Variants in TLCD4 observed in about 807,000 individuals in gnomAD.
TLCD4 encodes TLC domain containing 4, also known as TLC domain-containing protein 4.
TLCD4 carries 7 observed loss-of-function variants against 24.2 expected under a neutral mutation model. The ratio of observed to expected loss-of-function variants is 0.29; its 90% CI spans 0.16 to 0.54. TLCD4 has a LOEUF of 0.54. Ranked by LOEUF, TLCD4 falls within the 20% of genes least tolerant of loss-of-function variation. The pLI is 0.95. For synonymous variants in TLCD4, 103 were observed against 106.4 expected (o/e 0.97, Z 0.20); for missense variants, 259 against 313.9 (o/e 0.82, Z 1.32).
chr1:95,170,252 C>T (rs753029223), intron 5 of TLCD4, among the ~76,000 whole-genome samples: 3 of 151,344 alleles, frequency 2.0e-5, no homozygotes, highest in Non-Finnish European at 4.4e-5. Flanking sequence ...AAAAGTTCAC[C>T]TATAATTTTT....
intron 5 of TLCD4, among the ~76,000 whole-genome samples, chr1:95,160,186 C>T (rs1677747386): frequency 6.6e-6 from 1 of 152,132 alleles, no homozygotes; most frequent in African/African-American, 2.4e-5. Context: ...TTTCCTTGAG[C>T]AGTGGTTTGT....
chr1:95,130,343 G>A (rs1297825481), intron 1 of TLCD4, among the ~76,000 whole-genome samples: 3 of 151,996 alleles, frequency 2.0e-5, no homozygotes, highest in Non-Finnish European at 2.9e-5. Flanking sequence ...TGGTAGAGAC[G>A]GGGTTTTACC....
At chr1:95,137,114 TG>T (rs891663495) in intron 1 of TLCD4, among the ~76,000 whole-genome samples, 14 of 151,986 alleles carry the variant, frequency 9.2e-5, no homozygotes, top group Non-Finnish European at 1.8e-4. Flanking sequence ...TAGTGGGGGT[TG>T]GGGGGAGGTA....
At chr1:95,163,015 G>A (rs1345880621) in intron 5 of TLCD4, among the ~76,000 whole-genome samples, 1 of 152,138 alleles carries the variant, frequency 6.6e-6, no homozygotes, top group African/African-American at 2.4e-5. Flanking sequence ...TCTTTGTGGT[G>A]TTCTCTGTAT....
chr1:95,110,867 A>C, the TLCD4 span, among the ~76,000 whole-genome samples: 1 of 29,044 alleles, frequency 3.4e-5, no homozygotes, highest in Non-Finnish European at 6.2e-5. Flanking sequence ...AAAGAAAAGT[A>C]AAAAAAAAAA....
chr1:95,132,309 T>C (rs1157389620), intron 1 of TLCD4, among the ~76,000 whole-genome samples: 1 of 151,584 alleles, frequency 6.6e-6, no homozygotes, highest in Non-Finnish European at 1.5e-5. Flanking sequence ...ACAAAAAAAT[T>C]AGCCAGGCGT....
At chr1:95,164,185 C>T (rs1677931688) in intron 5 of TLCD4, 1 of 153,486 alleles carries the variant, frequency 6.5e-6, no homozygotes, top group African/African-American at 2.4e-5. Context: ...TTTACCTACT[C>T]AAGCCTTAGC....
the TLCD4 span, among the ~76,000 whole-genome samples, chr1:95,110,866 TAAAA>T: frequency 8.4e-6 from 1 of 119,560 alleles, no homozygotes; most frequent in Middle Eastern, 4.0e-3. Context: ...AAAAGAAAAG[TAAAA>T]AAAAAAAAAA....
At chr1:95,128,624 C>T (rs1268848676) in intron 1 of TLCD4, among the ~76,000 whole-genome samples, 1 of 152,082 alleles carries the variant, frequency 6.6e-6, no homozygotes. Flanking sequence ...CTTGCTGTGT[C>T]AGAATATCTT....
At chr1:95,181,769 G>A (rs1017623456) in intron 6 of TLCD4, among the ~76,000 whole-genome samples, 2 of 151,584 alleles carry the variant, frequency 1.3e-5, no homozygotes, top group Admixed American at 6.6e-5. Flanking sequence ...GGATTACTAT[G>A]CCACCACGCC....
intron 1 of TLCD4, chr1:95,118,135 C>T (rs913255915): frequency 6.6e-6 from 1 of 152,332 alleles, no homozygotes; most frequent in Non-Finnish European, 1.5e-5. Context: ...ACAAGTAGCT[C>T]TTATTTACCC....
chr1:95,147,309 G>A (rs929132274), intron 2 of TLCD4, among the ~76,000 whole-genome samples: 3 of 152,000 alleles, frequency 2.0e-5, no homozygotes, highest in Non-Finnish European at 2.9e-5. Context: ...CCTGACCTCA[G>A]GTGACCCGCC....
intron 4 of TLCD4, 25 bp downstream of exon 4, chr1:95,150,291 C>G: frequency 6.2e-7 from 1 of 1,602,554 alleles, no homozygotes; most frequent in Non-Finnish European, 8.5e-7. Flanking sequence ...GTTTTATTGT[C>G]TAATTCCTTG....
At chr1:95,139,455 ATT>A (rs200337389) in intron 1 of TLCD4, among the ~76,000 whole-genome samples, 78 of 93,988 alleles carry the variant, frequency 8.3e-4, no homozygotes, top group African/African-American at 2.9e-3. Flanking sequence ...TAAACCTTTG[ATT>A]TTTTTTTTTT....
At chr1:95,127,747 G>C (rs1676778677) in intron 1 of TLCD4, among the ~76,000 whole-genome samples, 1 of 152,160 alleles carries the variant, frequency 6.6e-6, no homozygotes, top group African/African-American at 2.4e-5. Context: ...TTCTTCCAAG[G>C]CTGGAGTCCA....
At chr1:95,135,207 T>G (rs1301911978) in intron 1 of TLCD4, among the ~76,000 whole-genome samples, 3 of 152,194 alleles carry the variant, frequency 2.0e-5, no homozygotes, top group African/African-American at 4.8e-5. Context: ...AAATCTTGTT[T>G]GCAGAGTCCT....
chr1:95,185,414 T>C (rs1678797225), intron 6 of TLCD4, among the ~76,000 whole-genome samples: 1 of 152,224 alleles, frequency 6.6e-6, no homozygotes. Context: ...TCATGGTTGA[T>C]GGACTCTAAT....
At chr1:95,189,628 G>A (rs1022662915) in intron 6 of TLCD4, among the ~76,000 whole-genome samples, 1 of 152,122 alleles carries the variant, frequency 6.6e-6, no homozygotes, top group Non-Finnish European at 1.5e-5. Flanking sequence ...TTTCTAGAAT[G>A]TCTATAAATG....
the TLCD4 span, among the ~76,000 whole-genome samples, chr1:95,105,200 C>G: frequency 6.6e-6 from 1 of 152,066 alleles, no homozygotes. Flanking sequence ...TGCAATGAAA[C>G]GCATTCAGTA....
Sources: gnomAD v4.1 joint callset for allele counts (sites outside exome capture counted in the v4.1 genomes callset) on GRCh38, gnomAD v4.1.1 for gene constraint, MANE v1.5 for transcripts, NCBI Gene and HGNC (gene_info 2026-07-23, HGNC 2026-07-21) for gene names.